Variants in EYS observed in about 807,000 individuals in gnomAD.
EYS encodes the protein EGF-like photoreceptor maintenance factor.
In EYS, 250 loss-of-function variants were observed where a neutral mutation model predicts 282.1. The ratio of observed to expected loss-of-function variants is 0.89; its 90% CI spans 0.80 to 0.98. EYS has a LOEUF of 0.98. EYS is among the 50% of genes least tolerant of loss of function. EYS has a pLI of 0.00. For missense variants in EYS, 4,016 were observed against 3,709.0 expected, an observed-to-expected ratio of 1.08 and a Z score of -2.15; for synonymous variants, 1,355 against 1,282.9, an observed-to-expected ratio of 1.06 and a Z score of -1.20.
intron 5 of EYS, among the ~76,000 whole-genome samples, chr6:65,447,298 TTCTC>T (rs774018199): frequency 0.16 from 22,034 of 137,656 alleles, 2,350 homozygotes; most frequent in Middle Eastern, 0.24. Flanking sequence ...CTCTCTTTCT[TTCTC>T]TCTCTGTGTG....
rs140414670 is a variant in EYS at position 65,096,203 on chromosome 6, T to A, written c.2024-38476A>T. ...ATACTTAAAATCAGTTGTGTTTTTA[T>A]ATATAAACAACAAACTAATAATGAA... is the stretch of plus-strand genomic sequence containing the variant. On this transcript the variant is annotated intron_variant, in intron 12 of 42. Transcript: ENST00000503581. Among the ~76,000 whole-genome samples the A allele has an allele frequency of 4.9e-3, 742 of 150,940 alleles. 6 individuals are homozygous for A. The highest frequency in any genetic ancestry group is 0.014 in the Middle Eastern group (4 of 294).
At chr6:63,948,899 T>TA (rs1287406782) in intron 35 of EYS, among the ~76,000 whole-genome samples, 1 of 152,162 alleles carries the variant, frequency 6.6e-6, no homozygotes, top group African/African-American at 2.4e-5. Context: ...GTGTGCTATA[T>TA]ATATGTTCTC....
At chr6:63,768,537 C>T (rs1165139808) in intron 40 of EYS, among the ~76,000 whole-genome samples, 3 of 152,020 alleles carry the variant, frequency 2.0e-5, no homozygotes, top group African/African-American at 2.4e-5. Context: ...AACCAACTCA[C>T]ACCAATCAGA....
At chr6:64,912,401 A>G in intron 16 of EYS, 83 bp downstream of exon 16, 4 of 1,251,228 alleles carry the variant, frequency 3.2e-6, no homozygotes, top group Non-Finnish European at 4.5e-6. Flanking sequence ...CCATTTTAGG[A>G]GGCCATCATC....
At chr6:65,060,598 C>T (rs1445275904) in intron 12 of EYS, among the ~76,000 whole-genome samples, 1 of 151,748 alleles carries the variant, frequency 6.6e-6, no homozygotes, top group Non-Finnish European at 1.5e-5. Context: ...TTTTAAATGC[C>T]TGTGATTTTG....
intron 26 of EYS, among the ~76,000 whole-genome samples, chr6:64,554,776 G>A (rs58425543): frequency 0.028 from 4,240 of 151,886 alleles, 127 homozygotes; most frequent in East Asian, 0.11. Flanking sequence ...ATGAAAAAAT[G>A]TTTAATGCCA....
At chr6:64,098,069 T>C (rs1772693184) in intron 31 of EYS, among the ~76,000 whole-genome samples, 1 of 152,242 alleles carries the variant, frequency 6.6e-6, no homozygotes, top group Non-Finnish European at 1.5e-5. Context: ...TACATCTTAC[T>C]GGGTCTAGTA....
rs187159313 is a variant in EYS at position 64,852,645 on chromosome 6, G to T, written c.2993-29823C>A. Among the ~76,000 whole-genome samples, 19 of 152,240 alleles carry T rather than the reference G, an allele frequency of 1.2e-4. No individual in the cohort carries two copies. The East Asian group carries it at 3.1e-3, about 25-fold the overall frequency. On this transcript the variant is annotated intron_variant, in intron 19 of 42. Transcript: ENST00000503581. ...TTAAGATGAGGTTATACTGAAATAA[G>T]ATCACTCATAAGTCCATTGACTGAT...
At chr6:64,322,070 G>A (rs1047912633) in intron 29 of EYS, among the ~76,000 whole-genome samples, 7 of 151,856 alleles carry the variant, frequency 4.6e-5, no homozygotes, top group African/African-American at 1.7e-4. Flanking sequence ...TTTATACATG[G>A]ATTTAACAAC....
At chr6:65,296,895 A>G (rs1768681910) in intron 11 of EYS, among the ~76,000 whole-genome samples, 1 of 151,618 alleles carries the variant, frequency 6.6e-6, no homozygotes, top group Non-Finnish European at 1.5e-5. Flanking sequence ...TAATGTTGAG[A>G]ACTATGTTGG....
intron 12 of EYS, among the ~76,000 whole-genome samples, chr6:65,207,081 A>G (rs555663915): frequency 6.6e-6 from 1 of 151,804 alleles, no homozygotes; most frequent in Admixed American, 6.6e-5. Flanking sequence ...CAGGAAGTCA[A>G]ATTATCTCTA....
At chr6:65,098,436 A>G (rs1392163378) in intron 12 of EYS, among the ~76,000 whole-genome samples, 1 of 150,824 alleles carries the variant, frequency 6.6e-6, no homozygotes, top group African/African-American at 2.4e-5. Flanking sequence ...GTACTTGTGT[A>G]AGCTTTGAAC....
At chr6:64,314,682 G>A (rs1285018546) in intron 29 of EYS, among the ~76,000 whole-genome samples, 1 of 151,896 alleles carries the variant, frequency 6.6e-6, no homozygotes, top group African/African-American at 2.4e-5. Context: ...TGAGTGACTG[G>A]GTAAATAACA....
chr6:64,010,274 C>T (rs958115352), intron 33 of EYS, among the ~76,000 whole-genome samples: 1 of 151,908 alleles, frequency 6.6e-6, no homozygotes, highest in African/African-American at 2.4e-5. Context: ...ACTGGGGATG[C>T]GGTGCTCCTG....
At position 64,022,017 on chromosome 6, in the gene EYS, C is replaced by G. The variant is rs555519198; in HGVS notation, c.6726-22834G>C. Among the ~76,000 whole-genome samples the G allele has an allele frequency of 2.0e-5, 3 of 152,290 alleles. No individual in the cohort carries two copies. In the East Asian group the frequency reaches 5.8e-4, roughly 29 times the overall value. On this transcript the variant is annotated intron_variant, in intron 33 of 42. Coordinates refer to ENST00000503581, the MANE Select transcript of EYS (RefSeq NM_001142800.2). The stretch of plus-strand genomic sequence containing the variant: ...TTTTCTATTTTATGTAACCATTCCC[C>G]TCTCTATGGATATTTAGATTATTTC...
chr6:63,884,594 T>C (rs751300716), intron 35 of EYS, among the ~76,000 whole-genome samples: 6 of 152,148 alleles, frequency 3.9e-5, no homozygotes, highest in Non-Finnish European at 7.4e-5. Flanking sequence ...AGTTCGTGCA[T>C]GGGGAGCAAA....
chr6:65,520,735 G>T (rs1767334355), intron 2 of EYS, among the ~76,000 whole-genome samples: 2 of 151,872 alleles, frequency 1.3e-5, no homozygotes, highest in Admixed American at 1.3e-4. Flanking sequence ...GTGAGTTACT[G>T]TTATGTCTAT....
At chr6:64,779,861 G>A (rs1319147036) in intron 22 of EYS, among the ~76,000 whole-genome samples, 1 of 152,138 alleles carries the variant, frequency 6.6e-6, no homozygotes, top group Non-Finnish European at 1.5e-5. Flanking sequence ...GTGATAAAAT[G>A]GAGAGGCTGG....
intron 2 of EYS, among the ~76,000 whole-genome samples, chr6:65,605,755 A>T: frequency 6.6e-6 from 1 of 151,786 alleles, no homozygotes; most frequent in East Asian, 1.9e-4. Context: ...AGATAGCCAC[A>T]CTTTTTTGAG....
Sources: allele counts gnomAD v4.1 joint callset (sites outside exome capture counted in the v4.1 genomes callset), GRCh38; gene constraint gnomAD v4.1.1; transcripts MANE v1.5; gene names NCBI Gene and HGNC (gene_info 2026-07-23, HGNC 2026-07-21).